MOGAT1: variants seen among roughly 807,000 people sequenced by gnomAD.
The protein encoded by MOGAT1 is monoacylglycerol O-acyltransferase 1.
A neutral mutation model predicts 31.4 loss-of-function variants in MOGAT1; 32 were observed. That is an observed-to-expected ratio of 1.02 (90% CI 0.77 to 1.37). The LOEUF (loss-of-function observed/expected upper bound fraction) is 1.37. Among genes scored for constraint, MOGAT1 ranks in the 40% most tolerant of loss-of-function variants. MOGAT1 has a pLI of 0.00. For synonymous variants in MOGAT1, 145 were observed against 144.5 expected, an observed-to-expected ratio of 1.00 and a Z score of -0.03; for missense variants, 426 against 402.0, an observed-to-expected ratio of 1.06 and a Z score of -0.51.
rs147897211 is a variant in MOGAT1, at chr2:222,692,466, T to C, written c.479-1896T>C. On this transcript the variant is annotated intron_variant, in intron 3 of 5. Transcript: ENST00000446656. The stretch of plus-strand genomic sequence containing the variant: ...ATGTGGCTACATATGGAAGAAGCTG[T>C]GTTTTGACCAGATAGATGATGGTCC... 6.3e-3 allele frequency among the ~76,000 whole-genome samples: 952 copies of C among 152,310 alleles called. 10 individuals are homozygous for C. The highest frequency in any genetic ancestry group is 0.022 in the African/African-American group (894 of 41,548).
chr2:222,709,654 G>A, intron 5 of MOGAT1, 82 bp from the exon 6 acceptor site: 1 of 1,299,810 alleles, frequency 7.7e-7, no homozygotes, highest in East Asian at 2.3e-5. Flanking sequence ...TGGCAGTTGT[G>A]TTCACAGCTG....
chr2:222,701,966 G>A (rs563551047), intron 5 of MOGAT1, among the ~76,000 whole-genome samples: 7 of 152,166 alleles, frequency 4.6e-5, no homozygotes, highest in Non-Finnish European at 1.0e-4. Flanking sequence ...GATATTATGG[G>A]GATTAAATGT....
intron 5 of MOGAT1, among the ~76,000 whole-genome samples, chr2:222,696,615 G>C (rs1692839546): frequency 6.6e-6 from 1 of 152,122 alleles, no homozygotes; most frequent in African/African-American, 2.4e-5. Flanking sequence ...GGGATTGTTT[G>C]TTTTGTTCTT....
intron 5 of MOGAT1, among the ~76,000 whole-genome samples, chr2:222,700,466 A>T (rs1431123966): frequency 6.6e-6 from 1 of 152,216 alleles, no homozygotes; most frequent in African/African-American, 2.4e-5. Flanking sequence ...CCCTCTACTT[A>T]CCCTGCAAAC....
chr2:222,707,088 A>G (rs1693012836), intron 5 of MOGAT1, among the ~76,000 whole-genome samples: 1 of 152,162 alleles, frequency 6.6e-6, no homozygotes, highest in Non-Finnish European at 1.5e-5. Context: ...GCTACTGGGG[A>G]GGCTGAGGCA....
intron 1 of MOGAT1, among the ~76,000 whole-genome samples, chr2:222,683,470 G>A (rs1692616357): frequency 6.6e-6 from 1 of 151,074 alleles, no homozygotes; most frequent in Non-Finnish European, 1.5e-5. Context: ...GCTCACGCTT[G>A]TAATCCCAGC....
chr2:222,689,593 G>A (rs1574973240), intron 3 of MOGAT1, 124 bp downstream of exon 3: 3 of 851,848 alleles, frequency 3.5e-6, no homozygotes, highest in East Asian at 5.0e-5. Flanking sequence ...TCCTCATCTG[G>A]CACTTCCTAT....
chr2:222,685,599 T>TTTTA (rs1491429055), intron 1 of MOGAT1, among the ~76,000 whole-genome samples: 12 of 86,546 alleles, frequency 1.4e-4, no homozygotes, highest in African/African-American at 7.4e-4. Context: ...CTTCTTCTTC[T>TTTTA]TTTTTTTTTT....
chr2:222,683,056 T>C (rs1692606961), intron 1 of MOGAT1, among the ~76,000 whole-genome samples: 1 of 151,922 alleles, frequency 6.6e-6, no homozygotes, highest in East Asian at 1.9e-4. Context: ...CTACAAAAAT[T>C]AGCCAGGTAT....
chr2:222,709,744 C>A lies in MOGAT1; in HGVS notation c.862C>A (p.Pro288Thr), dbSNP rs2106048319. The A allele has an allele frequency of 1.9e-6, 3 of 1,612,426 alleles. No homozygotes were observed. Among genetic ancestry groups the A allele is most frequent in the Middle Eastern group, 1.7e-4 (1 of 6,058 alleles). The change falls in exon 6 of 6, where the codon CCG (proline) becomes ACG (threonine). Residue 288 changes from proline to threonine, a missense_variant. Physicochemically the swap from Pro to Thr is conservative, Grantham distance 38. Transcript: ENST00000446656. ...RKAIHTVVGR[P>T]IPVRQTLNPT... ...TATTCCCTGATTTGCAGTTGGCCGCCCGATCCCTGTTCGTCAGACTCTGAA... is the reference window on the plus strand; with the variant it reads ...TATTCCCTGATTTGCAGTTGGCCGCACGATCCCTGTTCGTCAGACTCTGAA...
rs202012168 is a variant in MOGAT1, at chr2:222,694,360, A to G, written c.479-2A>G. Reference sequence around the variant, plus strand: ...TAGTTACTTTTTGTTTTATTCACTAAGGGCTGGTTTCAGTTTCCAAGAAAA... The same window carrying G: ...TAGTTACTTTTTGTTTTATTCACTAGGGGCTGGTTTCAGTTTCCAAGAAAA... On this transcript the variant is annotated splice_acceptor_variant, in intron 3 of 5. Transcript: ENST00000446656. LOFTEE classifies it high-confidence loss of function. 1,272 of 1,601,510 alleles carry G rather than the reference A, an allele frequency of 7.9e-4. No homozygotes were observed. Among genetic ancestry groups the G allele is most frequent in the Middle Eastern group, 1.7e-3 (10 of 5,998 alleles).
chr2:222,707,425 A>G (rs1283082206), intron 5 of MOGAT1, among the ~76,000 whole-genome samples: 1 of 151,488 alleles, frequency 6.6e-6, no homozygotes, highest in Admixed American at 6.6e-5. Context: ...AAGGGAGGGA[A>G]GGGAGGCAAG....
chr2:222,708,892 A>C (rs1224007653), intron 5 of MOGAT1, among the ~76,000 whole-genome samples: 1 of 152,152 alleles, frequency 6.6e-6, no homozygotes, highest in Non-Finnish European at 1.5e-5. Context: ...TGACTATTAC[A>C]TGGTTTATTT....
intron 3 of MOGAT1, among the ~76,000 whole-genome samples, 179 bp from the exon 4 acceptor site, chr2:222,694,182 AT>A (rs1692807697): frequency 6.6e-6 from 1 of 152,258 alleles, no homozygotes; most frequent in African/African-American, 2.4e-5. Context: ...ATGTTAACTT[AT>A]TAATAGAATA....
At chr2:222,693,385 T>G (rs1361179516) in intron 3 of MOGAT1, among the ~76,000 whole-genome samples, 1 of 151,704 alleles carries the variant, frequency 6.6e-6, no homozygotes, top group Non-Finnish European at 1.5e-5. Context: ...TTTACCAAAG[T>G]CAGACTATAC....
chr2:222,706,485 A>AC (rs1693005600), intron 5 of MOGAT1, among the ~76,000 whole-genome samples: 3 of 152,052 alleles, frequency 2.0e-5, no homozygotes, highest in Non-Finnish European at 4.4e-5. Context: ...AAAAAAAAAA[A>AC]AATTCATTCC....
At chr2:222,685,216 T>G (rs1311646348) in intron 1 of MOGAT1, among the ~76,000 whole-genome samples, 3 of 152,234 alleles carry the variant, frequency 2.0e-5, no homozygotes, top group Non-Finnish European at 4.4e-5. Flanking sequence ...ATGTCCCATC[T>G]GCAGCTACAT....
intron 1 of MOGAT1, among the ~76,000 whole-genome samples, chr2:222,673,785 A>G (rs1416973166): frequency 1.3e-5 from 2 of 152,182 alleles, no homozygotes; most frequent in East Asian, 1.9e-4. Flanking sequence ...GTATCTGTGT[A>G]TGGCTGTGGT....
intron 5 of MOGAT1, among the ~76,000 whole-genome samples, chr2:222,698,412 T>A (rs80237004): frequency 6.6e-6 from 1 of 152,208 alleles, no homozygotes; most frequent in East Asian, 1.9e-4. Context: ...GTTGGTGGCA[T>A]ATAAACAGGA....
Sources: gnomAD v4.1 joint callset for allele counts (sites outside exome capture counted in the v4.1 genomes callset) on GRCh38, gnomAD v4.1.1 for gene constraint, MANE v1.5 for transcripts, NCBI Gene and HGNC (gene_info 2026-07-23, HGNC 2026-07-21) for gene names.